The following BICD2 variants were observed in gnomAD, a reference collection of about 807,000 sequenced individuals.
The protein encoded by BICD2 is protein bicaudal D homolog 2.
A neutral mutation model predicts 72.9 loss-of-function variants in BICD2; 25 were observed. The observed-to-expected ratio is 0.34, with a 90% confidence interval of 0.25 to 0.48. The LOEUF is 0.48. Among genes scored for constraint, BICD2 ranks in the 20% least tolerant of loss-of-function variants. The pLI is 0.99. For missense variants in BICD2, 894 were observed against 1,175.2 expected (o/e 0.76, Z 3.50); for synonymous variants, 501 against 516.1 (o/e 0.97, Z 0.40).
intron 2 of BICD2, among the ~76,000 whole-genome samples, chr9:92,724,715 C>T (rs1252413446): frequency 6.6e-6 from 1 of 152,186 alleles, no homozygotes; most frequent in East Asian, 1.9e-4. Flanking sequence ...AGTGGGCAGG[C>T]TCTCCAGCCT....
chr9:92,715,516 G>T, intron 6 of BICD2, 53 bp from the exon 7 acceptor site: 1 of 1,504,422 alleles, frequency 6.6e-7, no homozygotes, highest in Non-Finnish European at 9.0e-7. Flanking sequence ...GCAGAGGAGG[G>T]CAGGGCAGGG....
chr9:92,735,589 C>A (rs1397383498), intron 1 of BICD2, among the ~76,000 whole-genome samples: 2 of 151,526 alleles, frequency 1.3e-5, no homozygotes, highest in Non-Finnish European at 2.9e-5. Flanking sequence ...AGGGCAGCTG[C>A]AACCAGACCC....
intron 1 of BICD2, among the ~76,000 whole-genome samples, chr9:92,737,189 A>G (rs947922453): frequency 2.0e-5 from 3 of 152,178 alleles, no homozygotes; most frequent in African/African-American, 7.2e-5. Context: ...CGATTTCCTC[A>G]TGTGAAACCT....
At chr9:92,729,691 T>C (rs1165806378) in intron 1 of BICD2, among the ~76,000 whole-genome samples, 3 of 152,186 alleles carry the variant, frequency 2.0e-5, no homozygotes, top group Admixed American at 2.0e-4. Flanking sequence ...CTTCACTCCT[T>C]CTGGGAGAGA....
chr9:92,764,732 A>ACGG lies in BICD2; in HGVS notation c.10_12dup (p.Pro4dup). 12 of 1,570,468 alleles carry ACGG rather than the reference A, an allele frequency of 7.6e-6. No individual in the cohort carries two copies. The highest frequency in any genetic ancestry group is 1.0e-5 in the Non-Finnish European group (12 of 1,167,284). On this transcript the variant is annotated inframe_insertion, in exon 1 of 7. Transcript: ENST00000356884. The surrounding 1 kb of genome is among the most constrained non-coding windows in gnomAD (Gnocchi z 5.5). ...AGCCGCGCGTACTCCTCCTCCTCCG[A>ACGG]CGGCGCCGACATGGTGGCCGAGGGC...
chr9:92,715,250 T>C lies in BICD2; in HGVS notation c.2472A>G (p.Val824=), dbSNP rs1171262717. 5 of 1,613,192 alleles carry C rather than the reference T, an allele frequency of 3.1e-6. No homozygotes were observed. In the Admixed American group the frequency reaches 5.0e-5, roughly 16 times the overall value. Residue 824 remains valine, a synonymous_variant, in exon 7 of 7, where the codon GTA becomes GTG. Transcript: ENST00000356884. ...CGCTGGCACAGGCACAGGTGTGACT[T>C]ACGCTCGGTGTGGCTGGCTTGGTCT... The part of the protein sequence containing the change: ...APKTKPATPS[V]SHTCACASDR...
chr9:92,762,430 G>C (rs926649371), intron 1 of BICD2, among the ~76,000 whole-genome samples: 8 of 152,096 alleles, frequency 5.3e-5, no homozygotes, highest in African/African-American at 1.9e-4. Flanking sequence ...TAGAGACCGA[G>C]CAGAAACATT....
chr9:92,753,761 G>C (rs959737210), intron 1 of BICD2, among the ~76,000 whole-genome samples: 1 of 151,572 alleles, frequency 6.6e-6, no homozygotes, highest in East Asian at 2.0e-4. Flanking sequence ...GGATGGTCTC[G>C]ATCTCCTGAC....
chr9:92,757,312 C>CAAAAAAAAA lies in BICD2; in HGVS notation c.240+7184_240+7192dup, dbSNP rs1169381290. Among the ~76,000 whole-genome samples the CAAAAAAAAA allele has an allele frequency of 1.9e-3, 102 of 52,736 alleles. 1 individual carries two copies. Among genetic ancestry groups the CAAAAAAAAA allele is most frequent in the Non-Finnish European group, 3.1e-3 (87 of 28,060 alleles). 34.6% of individuals were successfully genotyped at this position (52,736 alleles called of 152,430 possible). On this transcript the variant is annotated intron_variant, in intron 1 of 6. Coordinates refer to ENST00000356884, the MANE Select transcript of BICD2 (RefSeq NM_001003800.2). ...CTGGGCGACAGAACGAGACTGTCTC[C>CAAAAAAAAA]AAAAAAAAAAAAAAAAAAAAAAAAA...
At chr9:92,760,618 C>A (rs1275600026) in intron 1 of BICD2, among the ~76,000 whole-genome samples, 1 of 152,176 alleles carries the variant, frequency 6.6e-6, no homozygotes, top group Non-Finnish European at 1.5e-5. Context: ...AATTGCCCAA[C>A]AATTAGTGAC....
intron 1 of BICD2, among the ~76,000 whole-genome samples, chr9:92,759,817 T>A (rs1854334381): frequency 6.6e-6 from 1 of 152,256 alleles, no homozygotes; most frequent in Non-Finnish European, 1.5e-5. Flanking sequence ...TTTCATCTGG[T>A]CCACCTATGT....
chr9:92,734,645 G>C (rs1036148015), intron 1 of BICD2, among the ~76,000 whole-genome samples: 1 of 151,224 alleles, frequency 6.6e-6, no homozygotes, highest in African/African-American at 2.4e-5. Flanking sequence ...AGGAAGCACT[G>C]GTCCAGGAGT....
chr9:92,720,335 A>C lies in BICD2; in HGVS notation c.1027T>G (p.Ser343Ala). ...VSDLLSELNI[S>A]EIQKLKQQLM... Reference sequence around the variant, plus strand: ...TGCTGCTTCAGCTTCTGGATCTCAGAGATGTTGAGCTCACTGAGTAGGTCG... The same window carrying C: ...TGCTGCTTCAGCTTCTGGATCTCAGCGATGTTGAGCTCACTGAGTAGGTCG... Residue 343 changes from serine (S) to alanine (A), a missense_variant, in exon 4 of 7, where the codon TCT becomes GCT. By Grantham distance (99) the Ser-to-Ala change is moderately conservative. Coordinates refer to ENST00000356884, the MANE Select transcript of BICD2 (RefSeq NM_001003800.2). This position sits in a 1 kb window ranked among gnomAD's most constrained non-coding sequence, Gnocchi z 5.4. 1 of 1,612,872 alleles carries C rather than the reference A, an allele frequency of 6.2e-7. No homozygotes were observed.
chr9:92,718,693 A>T lies in BICD2; in HGVS notation c.1952T>A (p.Leu651Gln). The stretch of plus-strand genomic sequence containing the variant: ...CTGAGAGGCAATGCGCTGGCGTGAC[A>T]GCTCCGTGGTGCGGTCCACGGCTGC... ...LQAAVDRTTE[L>Q]SRQRIASQEL... Residue 651 changes from leucine to glutamine, a missense_variant, in exon 5 of 7, where the codon CTG becomes CAG. Physicochemically the swap from Leu to Gln is moderately radical, Grantham distance 113. This residue lies in a region of BICD2 where 321 missense variants were observed against 443.9 expected (regional missense o/e 0.72). Transcript: ENST00000356884. 1 of 1,614,124 alleles carries T rather than the reference A, an allele frequency of 6.2e-7. No homozygotes were observed. The highest frequency in any genetic ancestry group is 8.5e-7 in the Non-Finnish European group (1 of 1,180,024).
intron 3 of BICD2, among the ~76,000 whole-genome samples, chr9:92,721,596 C>G (rs773849219): frequency 1.3e-5 from 2 of 152,192 alleles, no homozygotes; most frequent in African/African-American, 4.8e-5. Flanking sequence ...GGTCTTGGGT[C>G]GGAAGGGACA....
In BICD2 at chr9:92,761,609, C is replaced by T. The variant is rs184724300; in HGVS notation, c.240+2896G>A. On this transcript the variant is annotated intron_variant, in intron 1 of 6. Coordinates refer to ENST00000356884, the MANE Select transcript of BICD2 (RefSeq NM_001003800.2). Reference sequence around the variant, plus strand: ...GCCTTAGCCCACCTAGCTACAGTCCCTGCCTGTGCCCTGAAGGCAGGAGCT... The same window carrying T: ...GCCTTAGCCCACCTAGCTACAGTCCTTGCCTGTGCCCTGAAGGCAGGAGCT... 3.9e-5 allele frequency among the ~76,000 whole-genome samples: 6 copies of T among 152,332 alleles called. No homozygotes were observed. The East Asian group carries it at 1.2e-3, about 29-fold the overall frequency.
rs2131519880 is a variant in BICD2, at chr9:92,739,280, T to C, written c.241-10044A>G. Among the ~76,000 whole-genome samples the C allele has an allele frequency of 2.0e-5, 3 of 152,346 alleles. 1 individual carries two copies. The highest frequency in any genetic ancestry group is 6.8e-3 in the Middle Eastern group (2 of 294). On this transcript the variant is annotated intron_variant, in intron 1 of 6. Transcript: ENST00000356884. ...ACAGCACTTATTAGCGCTTACTGCATGCCTGGTCTCTGGTAGGTACCAATG... is the reference window on the plus strand; with the variant it reads ...ACAGCACTTATTAGCGCTTACTGCACGCCTGGTCTCTGGTAGGTACCAATG...
intron 1 of BICD2, among the ~76,000 whole-genome samples, chr9:92,739,462 C>T (rs1435782455): frequency 6.6e-6 from 1 of 152,202 alleles, no homozygotes; most frequent in African/African-American, 2.4e-5. Flanking sequence ...GCTCTCTATT[C>T]CCCACAACCA....
At chr9:92,743,779 T>C (rs1853947228) in intron 1 of BICD2, among the ~76,000 whole-genome samples, 1 of 152,022 alleles carries the variant, frequency 6.6e-6, no homozygotes, top group South Asian at 2.1e-4. Flanking sequence ...CCTGAATATA[T>C]AAAGATCTCC....
Sources: allele counts gnomAD v4.1 joint callset (sites outside exome capture counted in the v4.1 genomes callset), GRCh38; gene constraint gnomAD v4.1.1; regional missense constraint gnomAD v4.1.1; non-coding constraint Gnocchi (gnomAD v3.1); transcripts MANE v1.5; gene names NCBI Gene and HGNC (gene_info 2026-07-23, HGNC 2026-07-21).